The following PRKD2 variants were observed in gnomAD, a reference collection of about 807,000 sequenced individuals.
PRKD2 encodes the protein serine/threonine-protein kinase D2.
PRKD2 carries 22 observed loss-of-function variants against 86.0 expected under a neutral mutation model. The observed-to-expected ratio is 0.26, with a 90% CI of 0.18 to 0.37. The LOEUF (loss-of-function observed/expected upper bound fraction) is 0.37, where lower values mean the gene tolerates loss of function less well. Ranked by LOEUF, PRKD2 falls within the 10% of genes least tolerant of loss-of-function variation. PRKD2 has a pLI of 1.00. For missense variants in PRKD2, 818 were observed against 1,199.2 expected, an observed-to-expected ratio of 0.68 and a Z score of 4.70; for synonymous variants, 509 against 510.9, an observed-to-expected ratio of 1.00 and a Z score of 0.05.
At chr19:46,685,746 T>A (rs2053387483) in intron 14 of PRKD2, 1 of 152,106 alleles carries the variant, frequency 6.6e-6, no homozygotes, top group African/African-American at 2.4e-5. Context: ...GTCAGGAGTT[T>A]GAGACTGGCC....
At chr19:46,674,769 C>A (rs1026010738) in intron 17 of PRKD2, 34 bp from the exon 18 acceptor site, 4 of 1,586,260 alleles carry the variant, frequency 2.5e-6, no homozygotes, top group Admixed American at 3.4e-5. Context: ...AGCTTGGGGT[C>A]TGCATTGGAG....
At chr19:46,694,196 C>T (rs1026966698) in intron 9 of PRKD2, 63 bp from the exon 10 acceptor site, 28 of 1,580,696 alleles carry the variant, frequency 1.8e-5, no homozygotes, top group Non-Finnish European at 2.3e-5. Flanking sequence ...CTAGTGCTTA[C>T]CCAGAAGGAT....
intron 2 of PRKD2, among the ~76,000 whole-genome samples, chr19:46,711,903 A>C (rs1328941552): frequency 2.0e-5 from 3 of 151,226 alleles, no homozygotes; most frequent in Non-Finnish European, 4.4e-5. Context: ...CCCCGTCTCT[A>C]CTAAAAATAC....
At chr19:46,698,562 G>A (rs577436585) in intron 7 of PRKD2, among the ~76,000 whole-genome samples, 106 of 152,352 alleles carry the variant, frequency 7.0e-4, no homozygotes, top group African/African-American at 2.5e-3. Context: ...CAGCAATTGT[G>A]GAGCCAGCTG....
At chr19:46,704,457 C>A (rs772324528) in intron 4 of PRKD2, 38 bp downstream of exon 4, 12 of 1,613,858 alleles carry the variant, frequency 7.4e-6, no homozygotes, top group Non-Finnish European at 1.0e-5. Flanking sequence ...CAAGTCACCC[C>A]CCTAGCCACC....
At chr19:46,710,193 G>A (rs1017385741) in intron 3 of PRKD2, among the ~76,000 whole-genome samples, 1 of 150,610 alleles carries the variant, frequency 6.6e-6, no homozygotes, top group Non-Finnish European at 1.5e-5. Flanking sequence ...CACCGTGTCC[G>A]GCCTTTTTCC....
intron 2 of PRKD2, among the ~76,000 whole-genome samples, chr19:46,712,043 G>A (rs558131970): frequency 1.3e-5 from 2 of 151,602 alleles, no homozygotes; most frequent in South Asian, 4.2e-4. Flanking sequence ...ACTCCAGCCT[G>A]GGTGACAGAG....
chr19:46,707,136 C>G (rs2053725130), intron 3 of PRKD2, among the ~76,000 whole-genome samples: 1 of 152,106 alleles, frequency 6.6e-6, no homozygotes, highest in African/African-American at 2.4e-5. Flanking sequence ...TCATGATCCG[C>G]CCGCCTTGGC....
At chr19:46,691,320 C>T (rs2053480531) in intron 12 of PRKD2, among the ~76,000 whole-genome samples, 1 of 152,050 alleles carries the variant, frequency 6.6e-6, no homozygotes, top group Admixed American at 6.6e-5. Context: ...GGATCTAGCT[C>T]TGTGGCCAGA....
intron 3 of PRKD2, among the ~76,000 whole-genome samples, chr19:46,705,948 C>A (rs150418171): frequency 0.013 from 1,960 of 152,272 alleles, 48 homozygotes; most frequent in African/African-American, 0.044. Context: ...GCCTTCAACT[C>A]CTGGGCTCAA....
At chr19:46,695,037 T>C (rs545138048) in intron 9 of PRKD2, among the ~76,000 whole-genome samples, 1 of 151,872 alleles carries the variant, frequency 6.6e-6, no homozygotes, top group East Asian at 1.9e-4. Flanking sequence ...CCCCCATCTC[T>C]ACAAAAAATA....
rs1319250599 is a variant in PRKD2, at chr19:46,678,893, C to T, written c.2071-230G>A. On this transcript the variant is annotated intron_variant, in intron 15 of 17. Coordinates refer to ENST00000291281, the MANE Select transcript of PRKD2 (RefSeq NM_016457.5). This position sits in a 1 kb window ranked among gnomAD's most constrained non-coding sequence, Gnocchi z 5.7. ...GAAGAGCACCTATCTCAGAGGACTG[C>T]CATGATGGTTAGTGAATTAAACCAT... Among the ~76,000 whole-genome samples the T allele has an allele frequency of 1.3e-5, 2 of 152,150 alleles. No homozygotes were observed. Among genetic ancestry groups the T allele is most frequent in the African/African-American group, 4.8e-5 (2 of 41,426 alleles).
At chr19:46,709,334 G>A (rs561384200) in intron 3 of PRKD2, 81 of 171,490 alleles carry the variant, frequency 4.7e-4, no homozygotes, top group African/African-American at 1.9e-3. Flanking sequence ...GGAAGAACTG[G>A]GAAGAGAAGG....
chr19:46,709,629 G>A (rs2122152455), intron 3 of PRKD2, among the ~76,000 whole-genome samples: 1 of 152,302 alleles, frequency 6.6e-6, no homozygotes, highest in South Asian at 2.1e-4. Flanking sequence ...CCAGAGTGCT[G>A]GGATTACAGG....
Position 46,699,668 on chromosome 19 carries a change from G to GTGCCTGATCTGAGCCAGTCC in PRKD2, c.1121+1111_1121+1130dup, listed in dbSNP as rs2053609067. ...CATTCACGCCACACCCAGATAGGAA[G>GTGCCTGATCTGAGCCAGTCC]TGCCTGATCTGAGCCAGTCCTGTCC... is the stretch of plus-strand genomic sequence containing the variant. On this transcript the variant is annotated intron_variant, in intron 7 of 17. Coordinates refer to ENST00000291281, the MANE Select transcript of PRKD2 (RefSeq NM_016457.5). 5.3e-5 allele frequency among the ~76,000 whole-genome samples: 8 copies of GTGCCTGATCTGAGCCAGTCC among 152,304 alleles called. No homozygotes were observed. The South Asian group carries it at 1.5e-3, about 28-fold the overall frequency.
chr19:46,687,316 C>T (rs957574988), intron 14 of PRKD2, among the ~76,000 whole-genome samples: 2 of 151,950 alleles, frequency 1.3e-5, no homozygotes, highest in East Asian at 1.9e-4. Context: ...TGCTTGAACC[C>T]GGGAGGTCAA....
chr19:46,698,357 CAGA>C (rs1251444138), intron 7 of PRKD2, among the ~76,000 whole-genome samples: 2 of 152,152 alleles, frequency 1.3e-5, no homozygotes, highest in South Asian at 2.1e-4. Flanking sequence ...CACGCTGGCC[CAGA>C]AGGAGATTCT....
chr19:46,683,931 G>A (rs1011379302), intron 14 of PRKD2, among the ~76,000 whole-genome samples: 2 of 151,820 alleles, frequency 1.3e-5, no homozygotes, highest in Non-Finnish European at 2.9e-5. Context: ...ATGATAAGGT[G>A]AGCTGATTAA....
chr19:46,684,252 T>C (rs2053361892), intron 14 of PRKD2, among the ~76,000 whole-genome samples: 1 of 152,064 alleles, frequency 6.6e-6, no homozygotes, highest in Non-Finnish European at 1.5e-5. Context: ...CGACCCACCA[T>C]GCCTGACCAA....
Sources: gnomAD v4.1 joint callset for allele counts (sites outside exome capture counted in the v4.1 genomes callset) on GRCh38, gnomAD v4.1.1 for gene constraint, Gnocchi (gnomAD v3.1) non-coding constraint, MANE v1.5 for transcripts, NCBI Gene and HGNC (gene_info 2026-07-23, HGNC 2026-07-21) for gene names.